ENG: variants seen among roughly 807,000 people sequenced by gnomAD.
The protein encoded by ENG is CD105 antigen.
Under a neutral mutation model 71.0 loss-of-function variants are expected in ENG, and 17 were observed. The observed-to-expected ratio is 0.24, with a 90% confidence interval of 0.16 to 0.36. The LOEUF is 0.36. ENG is among the 10% of genes least tolerant of loss of function. The pLI is 1.00. For synonymous variants in ENG, 360 were observed against 366.9 expected (o/e 0.98, Z 0.21); for missense variants, 749 against 868.3 (o/e 0.86, Z 1.73).
At chr9:127,845,907 T>C (rs1317446793) in intron 1 of ENG, among the ~76,000 whole-genome samples, 1 of 152,084 alleles carries the variant, frequency 6.6e-6, no homozygotes, top group Non-Finnish European at 1.5e-5. Flanking sequence ...TGGGTCTCAC[T>C]ATGTTGCTCA....
chr9:127,815,435 T>C lies in ENG; in HGVS notation c.*247A>G. ...TTACAACAGCGTGGCAAGTGGTCTG[T>C]CTCCTGGGCAGCCATATCCCAGACC... On this transcript the variant is annotated 3_prime_UTR_variant, in exon 15 of 15. Coordinates refer to ENST00000373203, the MANE Select transcript of ENG (RefSeq NM_001114753.3). 1 of 645,664 alleles carries C rather than the reference T, an allele frequency of 1.5e-6. No homozygotes were observed. The highest frequency in any genetic ancestry group is 2.9e-5 in the East Asian group (1 of 34,216). The allele number at this position is 645,664 out of a possible 1,614,324, so 40.0% of individuals were successfully genotyped here.
At chr9:127,849,501 A>G (rs2131929449) in intron 1 of ENG, among the ~76,000 whole-genome samples, 1 of 152,234 alleles carries the variant, frequency 6.6e-6, no homozygotes, top group Non-Finnish European at 1.5e-5. Flanking sequence ...CTGTTTCCCT[A>G]TGGCTAGTGG....
intron 5 of ENG, 108 bp downstream of exon 5, chr9:127,825,587 C>T: frequency 1.7e-6 from 2 of 1,184,798 alleles, no homozygotes; most frequent in Non-Finnish European, 2.3e-6. Context: ...GGGGCTGGGG[C>T]TGGGACTGGG....
chr9:127,820,296 C>T (rs893816874), intron 8 of ENG, among the ~76,000 whole-genome samples: 1 of 152,008 alleles, frequency 6.6e-6, no homozygotes, highest in South Asian at 2.1e-4. Flanking sequence ...TGGGTTCAAG[C>T]GATTCTCCTG....
At chr9:127,825,099 C>T in intron 6 of ENG, 125 bp from the exon 7 acceptor site, 1 of 1,592,718 alleles carries the variant, frequency 6.3e-7, no homozygotes, top group Non-Finnish European at 8.6e-7. Flanking sequence ...TTCTGCCTGG[C>T]CCCTTCCCTC....
Position 127,826,552 on chromosome 9 carries a change from C to T in ENG, c.481G>A (p.Glu161Lys). Residue 161 changes from glutamate to lysine, a missense_variant, in exon 4 of 15, where the codon GAG (glutamate) becomes AAG (lysine). Transcript: ENST00000373203. ...AERGPITSAA[E>K]LNDPQSILLR... ...AGGATGCTCTGGGGGTCATTCAGCT[C>T]AGCAGCAGAGGTGATGGGGCCCCTC... 1 of 1,614,112 alleles carries T rather than the reference C, an allele frequency of 6.2e-7. No homozygotes were observed. Among genetic ancestry groups the T allele is most frequent in the East Asian group, 2.2e-5 (1 of 44,888 alleles).
intron 3 of ENG, among the ~76,000 whole-genome samples, chr9:127,828,479 C>T (rs1465767069): frequency 6.6e-6 from 1 of 152,198 alleles, no homozygotes; most frequent in Non-Finnish European, 1.5e-5. Flanking sequence ...GAAGGCGGCG[C>T]GGCCGAGGCC....
At chr9:127,844,634 G>T (rs771336332) in intron 1 of ENG, among the ~76,000 whole-genome samples, 2 of 151,698 alleles carry the variant, frequency 1.3e-5, no homozygotes, top group Non-Finnish European at 2.9e-5. Context: ...TCACCATGTT[G>T]CTCAAGCTGG....
chr9:127,830,468 C>T (rs1830737777), intron 2 of ENG, among the ~76,000 whole-genome samples: 1 of 151,278 alleles, frequency 6.6e-6, no homozygotes, highest in Non-Finnish European at 1.5e-5. Flanking sequence ...CATGGTGAAA[C>T]CCCGTCTTTA....
chr9:127,819,324 G>A, intron 10 of ENG: 1 of 434,176 alleles, frequency 2.3e-6, no homozygotes, highest in Non-Finnish European at 4.3e-6. Context: ...CTCATTGGCT[G>A]CCCAGAAGCA....
At chr9:127,842,750 C>T (rs540874186) in intron 2 of ENG, among the ~76,000 whole-genome samples, 1 of 152,274 alleles carries the variant, frequency 6.6e-6, no homozygotes, top group African/African-American at 2.4e-5. Context: ...AGTCCAAGCT[C>T]CCTAGAGAGG....
At chr9:127,849,689 C>T (rs1427797982) in intron 1 of ENG, among the ~76,000 whole-genome samples, 1 of 152,024 alleles carries the variant, frequency 6.6e-6, no homozygotes, top group South Asian at 2.1e-4. Context: ...GTTATGGGGA[C>T]CAGAGAAAAG....
intron 8 of ENG, 33 bp downstream of exon 8, chr9:127,824,271 C>A: frequency 6.2e-7 from 1 of 1,613,996 alleles, no homozygotes; most frequent in South Asian, 1.1e-5. Context: ...ATGTCCATGT[C>A]ATCCTGAGCC....
Position 127,815,549 on chromosome 9 carries a change from G to A in ENG, c.*133C>T, listed in dbSNP as rs539680928. 5.1e-5 allele frequency: 73 copies of A among 1,439,656 alleles called. No homozygotes were observed. The South Asian group carries it at 6.9e-4, about 14-fold the overall frequency. The allele number at this position is 1,439,656 out of a possible 1,614,324, so 89.2% of individuals were successfully genotyped here. A position where few individuals can be genotyped will look rare whatever the true frequency, so the allele number is the denominator to read the frequency against. ...GGCAGCAGGCCTCTGAGAGGGAGGC[G>A]GGAAGGGTAGGCGCGGAGAGCAGGC... is the stretch of plus-strand genomic sequence containing the variant. On this transcript the variant is annotated 3_prime_UTR_variant, in exon 15 of 15. Transcript: ENST00000373203.
In ENG at chr9:127,818,709, C is replaced by T. The variant is rs1366867867; in HGVS notation, c.1428+7G>A. 1.2e-6 allele frequency: 2 copies of T among 1,613,844 alleles called. No individual in the cohort carries two copies. Among genetic ancestry groups the T allele is most frequent in the Non-Finnish European group, 1.7e-6 (2 of 1,179,906 alleles). On this transcript the variant is annotated splice_region_variant and intron_variant, in intron 11 of 14. Coordinates refer to ENST00000373203, the MANE Select transcript of ENG (RefSeq NM_001114753.3). Reference sequence around the variant, plus strand: ...GAGGCCCGAGGGGTGACAGGCATGCCAGGTACCTGCACAAAGCTCTGCTGC... The same window carrying T: ...GAGGCCCGAGGGGTGACAGGCATGCTAGGTACCTGCACAAAGCTCTGCTGC...
chr9:127,817,760 T>A lies in ENG; in HGVS notation c.1686+360A>T, dbSNP rs188239323. 11 of 415,124 alleles carry A rather than the reference T, an allele frequency of 2.6e-5. No individual in the cohort carries two copies. The Admixed American group carries it at 3.4e-4, about 13-fold the overall frequency. The allele number at this position is 415,124 out of a possible 1,614,324, so 25.7% of individuals were successfully genotyped here. ...CTTTGTCCGCCTCTCTTCCCTCAGG[T>A]CTCCTGTTCTTTGAGATTACACTGG... On this transcript the variant is annotated intron_variant, in intron 12 of 14. Coordinates refer to ENST00000373203, the MANE Select transcript of ENG (RefSeq NM_001114753.3).
chr9:127,833,116 A>G (rs1830807970), intron 2 of ENG, among the ~76,000 whole-genome samples: 1 of 152,112 alleles, frequency 6.6e-6, no homozygotes, highest in Non-Finnish European at 1.5e-5. Context: ...CATTTTTCTA[A>G]CCTTATTCCC....
intron 1 of ENG, among the ~76,000 whole-genome samples, chr9:127,853,048 G>T (rs1446752633): frequency 6.6e-6 from 1 of 152,140 alleles, no homozygotes; most frequent in African/African-American, 2.4e-5. Flanking sequence ...TGGGGATGAT[G>T]ATGGCAGCCA....
rs376223545 is a variant in ENG, at chr9:127,819,872, C to T, written c.1272+28G>A. ...TGAGGGGGCACCAACCAGGCTGGTC[C>T]TGATACCTTTTTGGCCCCAGCTCTT... On this transcript the variant is annotated intron_variant, in intron 9 of 14. Coordinates refer to ENST00000373203, the MANE Select transcript of ENG (RefSeq NM_001114753.3). 4.2e-5 allele frequency: 68 copies of T among 1,614,166 alleles called. No individual in the cohort carries two copies. In the African/African-American group the frequency reaches 6.5e-4, roughly 15 times the overall value.
Sources: allele counts gnomAD v4.1 joint callset (sites outside exome capture counted in the v4.1 genomes callset), GRCh38; gene constraint gnomAD v4.1.1; transcripts MANE v1.5; gene names NCBI Gene and HGNC (gene_info 2026-07-23, HGNC 2026-07-21).